PIP5K1B: variants seen among roughly 807,000 people sequenced by gnomAD.
PIP5K1B encodes the protein phosphatidylinositol 4-phosphate 5-kinase type-1 beta.
Under a neutral mutation model 67.0 loss-of-function variants are expected in PIP5K1B, and 42 were observed. The ratio of observed to expected loss-of-function variants is 0.63; its 90% confidence interval spans 0.49 to 0.81. PIP5K1B has a LOEUF of 0.81. Among genes scored for constraint, PIP5K1B ranks in the 30% least tolerant of loss-of-function variants. The pLI is 0.00. For missense variants in PIP5K1B, 459 were observed against 646.3 expected (o/e 0.71, Z 3.14); for synonymous variants, 214 against 231.4 (o/e 0.92, Z 0.68).
At chr9:69,007,693 TA>T (rs201824246) in intron 15 of PIP5K1B, among the ~76,000 whole-genome samples, 2,299 of 152,100 alleles carry the variant, frequency 0.015, 47 homozygotes, top group African/African-American at 0.05. Flanking sequence ...CCATCTCTAC[TA>T]AAAATACAAA....
intron 15 of PIP5K1B, among the ~76,000 whole-genome samples, chr9:68,999,519 A>C (rs756402231): frequency 1.3e-5 from 2 of 152,248 alleles, no homozygotes; most frequent in Non-Finnish European, 2.9e-5. Context: ...TGTTGGGGAC[A>C]TAATTTGTGT....
chr9:68,978,558 C>G (rs1393440523), intron 14 of PIP5K1B, among the ~76,000 whole-genome samples: 1 of 152,180 alleles, frequency 6.6e-6, no homozygotes, highest in Non-Finnish European at 1.5e-5. Flanking sequence ...TTTTGGGAAG[C>G]TCCCTAAGTT....
intron 2 of PIP5K1B, among the ~76,000 whole-genome samples, chr9:68,744,808 T>C (rs1829202376): frequency 6.6e-6 from 1 of 152,120 alleles, no homozygotes; most frequent in South Asian, 2.1e-4. Context: ...TCACCTCCAA[T>C]TTCCTTGGTG....
chr9:68,999,970 T>G (rs771433083), intron 15 of PIP5K1B, among the ~76,000 whole-genome samples: 2 of 152,184 alleles, frequency 1.3e-5, no homozygotes, highest in African/African-American at 2.4e-5. Flanking sequence ...GGCGGGGGTA[T>G]GTCCTTCAGA....
At chr9:68,786,457 G>A (rs181956041) in intron 2 of PIP5K1B, among the ~76,000 whole-genome samples, 2 of 145,706 alleles carry the variant, frequency 1.4e-5, no homozygotes, top group African/African-American at 5.2e-5. Flanking sequence ...GGCCCTTTTG[G>A]TTTTTTTATT....
chr9:68,949,725 C>G (rs1009015478), intron 14 of PIP5K1B, among the ~76,000 whole-genome samples: 1 of 152,184 alleles, frequency 6.6e-6, no homozygotes, highest in Non-Finnish European at 1.5e-5. Context: ...ATATGTGAAT[C>G]GGGCAGCCCC....
chr9:68,749,056 C>T (rs997222253), intron 2 of PIP5K1B, among the ~76,000 whole-genome samples: 2 of 152,188 alleles, frequency 1.3e-5, no homozygotes, highest in African/African-American at 4.8e-5. Context: ...TTGAAGTTCC[C>T]TCATGGTAAA....
chr9:68,754,484 T>A (rs1829824797), intron 2 of PIP5K1B, among the ~76,000 whole-genome samples: 1 of 152,190 alleles, frequency 6.6e-6, no homozygotes, highest in Non-Finnish European at 1.5e-5. Context: ...CATGATTTTT[T>A]AATGTTAGTT....
At chr9:68,958,274 G>T (rs2132726736) in intron 14 of PIP5K1B, among the ~76,000 whole-genome samples, 1 of 152,218 alleles carries the variant, frequency 6.6e-6, no homozygotes, top group East Asian at 1.9e-4. Flanking sequence ...CAAAACCTAG[G>T]GTTCTGTTAG....
intron 13 of PIP5K1B, among the ~76,000 whole-genome samples, chr9:68,939,470 G>A (rs1364830388): frequency 1.3e-5 from 2 of 152,214 alleles, no homozygotes; most frequent in Non-Finnish European, 2.9e-5. Flanking sequence ...CATTTAATGA[G>A]AAGTTGGGAT....
At chr9:68,992,285 CAG>C (rs1398228200) in intron 15 of PIP5K1B, among the ~76,000 whole-genome samples, 1 of 152,014 alleles carries the variant, frequency 6.6e-6, no homozygotes, top group Non-Finnish European at 1.5e-5. Context: ...TTACATAAAA[CAG>C]GGGAAGTGTT....
chr9:68,861,234 CAA>C (rs1823052121), intron 4 of PIP5K1B, among the ~76,000 whole-genome samples: 1 of 152,142 alleles, frequency 6.6e-6, no homozygotes. Context: ...GGGTTCTTTT[CAA>C]AATCTTACTC....
intron 2 of PIP5K1B, among the ~76,000 whole-genome samples, chr9:68,794,285 C>T (rs1007651159): frequency 6.6e-6 from 1 of 152,182 alleles, no homozygotes; most frequent in Admixed American, 6.5e-5. Flanking sequence ...GGTCATCTTC[C>T]TCCCCTTTTA....
intron 4 of PIP5K1B, among the ~76,000 whole-genome samples, chr9:68,829,346 T>C (rs530198900): frequency 9.2e-5 from 14 of 152,312 alleles, no homozygotes; most frequent in Admixed American, 8.5e-4. Flanking sequence ...TGCTGGTCTC[T>C]AGGATGAATG....
In PIP5K1B at chr9:68,940,738, T is replaced by C. The variant is rs138104556; in HGVS notation, c.1450T>C (p.Leu484=). Residue 484 remains leucine (L), a synonymous_variant, in exon 14 of 16, where the codon TTA becomes CTA. Transcript: ENST00000265382. ...GGCAACCACAATTTCATCTTCTTCC[T>C]TATACGTCAATGAGCACTATCCACA... ...SLATTISSSS[L]YVNEHYPHDR... The C allele has an allele frequency of 1.6e-4, 254 of 1,613,926 alleles. 1 individual carries two copies. In the African/African-American group the frequency reaches 2.9e-3, roughly 19 times the overall value.
intron 6 of PIP5K1B, among the ~76,000 whole-genome samples, chr9:68,886,054 C>T (rs1824456033): frequency 6.6e-6 from 1 of 152,010 alleles, no homozygotes; most frequent in Non-Finnish European, 1.5e-5. Flanking sequence ...GTAGTGGGCG[C>T]CTGTATCCCA....
chr9:68,712,970 G>A (rs1182397299), intron 1 of PIP5K1B, among the ~76,000 whole-genome samples: 2 of 152,170 alleles, frequency 1.3e-5, no homozygotes, highest in Non-Finnish European at 2.9e-5. Context: ...CTCACATAAA[G>A]GTGGTATTTG....
chr9:68,764,074 C>CTTTTTTTTTT (rs72304177), intron 2 of PIP5K1B, among the ~76,000 whole-genome samples: 1 of 73,548 alleles, frequency 1.4e-5, no homozygotes, highest in Non-Finnish European at 2.6e-5. Flanking sequence ...ACTATAACTT[C>CTTTTTTTTTT]TTTTTTTTTT....
At chr9:68,998,244 A>G (rs1405477050) in intron 15 of PIP5K1B, among the ~76,000 whole-genome samples, 1 of 151,806 alleles carries the variant, frequency 6.6e-6, no homozygotes, top group African/African-American at 2.4e-5. Flanking sequence ...CTGAATAGAG[A>G]TGAGGTTTCC....
Sources: gnomAD v4.1 joint callset for allele counts (sites outside exome capture counted in the v4.1 genomes callset) on GRCh38, gnomAD v4.1.1 for gene constraint, MANE v1.5 for transcripts, NCBI Gene and HGNC (gene_info 2026-07-23, HGNC 2026-07-21) for gene names.